The following HPCAL1 variants were observed in gnomAD, a reference collection of about 807,000 sequenced individuals.
The protein encoded by HPCAL1 is hippocalcin-like protein 1.
HPCAL1 carries 8 observed loss-of-function variants against 17.1 expected under a neutral mutation model. The ratio of observed to expected loss-of-function variants is 0.47; its 90% confidence interval spans 0.27 to 0.84. The LOEUF is 0.84. Among genes scored for constraint, HPCAL1 ranks in the 40% least tolerant of loss-of-function variants. The pLI is 0.13. For missense variants in HPCAL1, 165 were observed against 271.1 expected, an observed-to-expected ratio of 0.61 and a Z score of 2.75; for synonymous variants, 112 against 111.4, an observed-to-expected ratio of 1.01 and a Z score of -0.03.
chr2:10,337,657 G>A (rs774090772), intron 1 of HPCAL1, among the ~76,000 whole-genome samples: 1 of 152,184 alleles, frequency 6.6e-6, no homozygotes, highest in Non-Finnish European at 1.5e-5. Flanking sequence ...AGCTGGGGAT[G>A]AGGCGTAGAC....
chr2:10,317,311 G>T (rs576968092), intron 1 of HPCAL1, among the ~76,000 whole-genome samples: 1 of 152,070 alleles, frequency 6.6e-6, no homozygotes, highest in South Asian at 2.1e-4. Flanking sequence ...CATGCATCAA[G>T]ACCCCCTATC....
rs139966363 is a variant in HPCAL1, at chr2:10,419,232, CAAAT to C, written c.-24-498_-24-495del. 0.18 allele frequency among the ~76,000 whole-genome samples: 27,485 copies of C among 151,676 alleles called. 2,484 individuals are homozygous for C. Among genetic ancestry groups the C allele is most frequent in the South Asian group, 0.19 (925 of 4,802 alleles). ...ATCTCAAAAGAAACAAACAAATAAA[CAAAT>C]AAAGAAGGTGGGTGGGGGTGACTCC... On this transcript the variant is annotated intron_variant, in intron 2 of 4. Coordinates refer to ENST00000307845, the MANE Select transcript of HPCAL1 (RefSeq NM_002149.4). The surrounding 1 kb of genome is among the most constrained non-coding windows in gnomAD (Gnocchi z 5.0).
chr2:10,407,429 CT>C (rs1428401964), intron 2 of HPCAL1, among the ~76,000 whole-genome samples: 1 of 152,268 alleles, frequency 6.6e-6, no homozygotes, highest in Non-Finnish European at 1.5e-5. Context: ...TGCTCAGGCA[CT>C]GTGCTAGGCG....
intron 2 of HPCAL1, among the ~76,000 whole-genome samples, chr2:10,418,920 AG>A (rs1387755106): frequency 6.6e-6 from 1 of 152,304 alleles, no homozygotes; most frequent in African/African-American, 2.4e-5. Flanking sequence ...GGCAAAATAA[AG>A]AGGGTGGGCC....
rs1301648162 is a variant in HPCAL1 at position 10,394,738 on chromosome 2, G to A, written c.-110-2097G>A. ...AAGGCTGTGGCCGGGAGTGGTGTAA[G>A]GGGTGTGTGGGAACTTTCTGCTCAA... On this transcript the variant is annotated intron_variant, in intron 1 of 4. Coordinates refer to ENST00000307845, the MANE Select transcript of HPCAL1 (RefSeq NM_002149.4). The surrounding 1 kb of genome is among the most constrained non-coding windows in gnomAD (Gnocchi z 5.0). Among the ~76,000 whole-genome samples, 2 of 152,258 alleles carry A rather than the reference G, an allele frequency of 1.3e-5. No homozygotes were observed. Among genetic ancestry groups the A allele is most frequent in the Non-Finnish European group, 1.5e-5 (1 of 68,016 alleles).
chr2:10,410,136 G>C (rs1265244050), intron 2 of HPCAL1, among the ~76,000 whole-genome samples: 1 of 152,176 alleles, frequency 6.6e-6, no homozygotes, highest in South Asian at 2.1e-4. Flanking sequence ...CTCTCTGGTC[G>C]CCTTCCCTCA....
chr2:10,311,677 G>A (rs1028203438), intron 1 of HPCAL1, among the ~76,000 whole-genome samples: 7 of 152,222 alleles, frequency 4.6e-5, no homozygotes, highest in Non-Finnish European at 8.8e-5. Flanking sequence ...GGATCGCCAA[G>A]CAGTGTAAAG....
At chr2:10,345,227 G>A (rs1665355725) in intron 1 of HPCAL1, among the ~76,000 whole-genome samples, 1 of 152,092 alleles carries the variant, frequency 6.6e-6, no homozygotes, top group East Asian at 1.9e-4. Flanking sequence ...CTCTCTGTGT[G>A]TGTCTCTCTC....
intron 2 of HPCAL1, among the ~76,000 whole-genome samples, chr2:10,413,271 C>T (rs1397603692): frequency 1.3e-5 from 2 of 152,222 alleles, no homozygotes; most frequent in African/African-American, 4.8e-5. Flanking sequence ...TGGTGTCACT[C>T]CTCTCTGTGA....
intron 1 of HPCAL1, among the ~76,000 whole-genome samples, chr2:10,350,275 G>A (rs1035764708): frequency 1.3e-5 from 2 of 151,354 alleles, no homozygotes; most frequent in African/African-American, 2.4e-5. Context: ...AGGGGAAGCA[G>A]CTAATGAAGT....
chr2:10,390,872 G>A (rs1333826187), intron 1 of HPCAL1, among the ~76,000 whole-genome samples: 1 of 152,224 alleles, frequency 6.6e-6, no homozygotes, highest in Admixed American at 6.5e-5. Flanking sequence ...CATGGTGGCA[G>A]CCTGGGCTGT....
chr2:10,371,293 G>T lies in HPCAL1; in HGVS notation c.-110-25542G>T, dbSNP rs190621031. On this transcript the variant is annotated intron_variant, in intron 1 of 4. Transcript: ENST00000307845. ...GGTGACTGTGCCCCCAGAACTGAGT[G>T]GACAAGCCAGGCTTGTGTCCACACC... is the stretch of plus-strand genomic sequence containing the variant. Among the ~76,000 whole-genome samples, 286 of 152,236 alleles carry T rather than the reference G, an allele frequency of 1.9e-3. 3 individuals are homozygous for T. The highest frequency in any genetic ancestry group is 8.8e-5 in the Non-Finnish European group (6 of 67,978).
At position 10,394,585 on chromosome 2, in the gene HPCAL1, C is replaced by T. The variant is rs1320604763; in HGVS notation, c.-110-2250C>T. On this transcript the variant is annotated intron_variant, in intron 1 of 4. Coordinates refer to ENST00000307845, the MANE Select transcript of HPCAL1 (RefSeq NM_002149.4). This position sits in a 1 kb window ranked among gnomAD's most constrained non-coding sequence, Gnocchi z 5.0. Reference sequence around the variant, plus strand: ...GCGCATCGGTACACGTTTGTCAAAGCCCACGGAGTGGCCCACGCCAAGAGG... The same window carrying T: ...GCGCATCGGTACACGTTTGTCAAAGTCCACGGAGTGGCCCACGCCAAGAGG... Among the ~76,000 whole-genome samples, 1 of 152,174 alleles carries T rather than the reference C, an allele frequency of 6.6e-6. No individual in the cohort carries two copies. The highest frequency in any genetic ancestry group is 1.5e-5 in the Non-Finnish European group (1 of 68,032).
At chr2:10,393,895 G>A (rs1416080074) in intron 1 of HPCAL1, among the ~76,000 whole-genome samples, 2 of 151,344 alleles carry the variant, frequency 1.3e-5, no homozygotes, top group Admixed American at 6.6e-5. Context: ...CAGGCAGATG[G>A]CTTGAGCCCA....
rs1341479082 is a variant in HPCAL1 at position 10,379,201 on chromosome 2, G to A, written c.-110-17634G>A. On this transcript the variant is annotated intron_variant, in intron 1 of 4. Coordinates refer to ENST00000307845, the MANE Select transcript of HPCAL1 (RefSeq NM_002149.4). ...AAAATTTGTCCACCTGGGCCAGTGC[G>A]TGATTCCGAAGACTACATTTGAAGT... Among the ~76,000 whole-genome samples, 8 of 151,892 alleles carry A rather than the reference G, an allele frequency of 5.3e-5. No homozygotes were observed. The East Asian group carries it at 1.4e-3, about 26-fold the overall frequency.
intron 1 of HPCAL1, among the ~76,000 whole-genome samples, chr2:10,339,274 T>C (rs1664917406): frequency 6.6e-6 from 1 of 151,324 alleles, no homozygotes; most frequent in South Asian, 2.1e-4. Context: ...TGCCTCAGCC[T>C]CTGGAGTAGC....
chr2:10,317,585 T>G (rs1663399605), intron 1 of HPCAL1, among the ~76,000 whole-genome samples: 1 of 152,034 alleles, frequency 6.6e-6, no homozygotes, highest in Admixed American at 6.6e-5. Flanking sequence ...GCCTGGCTAA[T>G]TTTTGTATTT....
intron 1 of HPCAL1, among the ~76,000 whole-genome samples, chr2:10,315,063 G>T (rs755468838): frequency 1.3e-5 from 2 of 151,904 alleles, no homozygotes; most frequent in African/African-American, 4.8e-5. Context: ...AGGCCGAGGC[G>T]GGCGGATCAT....
chr2:10,309,723 C>T (rs1662837285), intron 1 of HPCAL1, among the ~76,000 whole-genome samples: 3 of 152,144 alleles, frequency 2.0e-5, no homozygotes, highest in Admixed American at 6.6e-5. Context: ...GTGCTGTGGC[C>T]TTGGGTGGCT....
Sources: allele counts gnomAD v4.1 joint callset (sites outside exome capture counted in the v4.1 genomes callset), GRCh38; gene constraint gnomAD v4.1.1; non-coding constraint Gnocchi (gnomAD v3.1); transcripts MANE v1.5; gene names NCBI Gene and HGNC (gene_info 2026-07-23, HGNC 2026-07-21).